The following SLC4A3 variants were observed in gnomAD, a reference collection of about 807,000 sequenced individuals.
The protein encoded by SLC4A3 is anion exchange protein 3.
SLC4A3 carries 47 observed loss-of-function variants against 114.2 expected under a neutral mutation model. The observed-to-expected ratio is 0.41, with a 90% CI of 0.33 to 0.52. The LOEUF (loss-of-function observed/expected upper bound fraction) is 0.52. Ranked by LOEUF, SLC4A3 falls within the 20% of genes least tolerant of loss-of-function variation. SLC4A3 has a pLI of 0.21. For synonymous variants in SLC4A3, 693 were observed against 710.3 expected (o/e 0.98, Z 0.39); for missense variants, 1,312 against 1,668.3 (o/e 0.79, Z 3.72).
rs1698862926 is a variant in SLC4A3, at chr2:219,630,008, G to A, written c.612-145G>A. The A allele has an allele frequency of 4.1e-6, 6 of 1,476,014 alleles. No homozygotes were observed. Among genetic ancestry groups the A allele is most frequent in the African/African-American group, 1.4e-5 (1 of 70,850 alleles). 91.4% of individuals were successfully genotyped at this position (1,476,014 alleles called of 1,614,324 possible). A position where few individuals can be genotyped will look rare whatever the true frequency, so the allele number is the denominator to read the frequency against. Reference sequence around the variant, plus strand: ...GGGGGAGCCACGGGATGGGGAGGGGGCCTGGGTCAGCATCCTTTGCTGCCC... The same window carrying A: ...GGGGGAGCCACGGGATGGGGAGGGGACCTGGGTCAGCATCCTTTGCTGCCC... On this transcript the variant is annotated intron_variant, in intron 5 of 22. Coordinates refer to ENST00000358055, the MANE Select transcript of SLC4A3 (RefSeq NM_005070.4). This position sits in a 1 kb window ranked among gnomAD's most constrained non-coding sequence, Gnocchi z 6.9.
At chr2:219,627,822 C>T in intron 1 of SLC4A3, 77 bp downstream of exon 1, 1 of 514,178 alleles carries the variant, frequency 1.9e-6, no homozygotes. Flanking sequence ...CGGAGGGGCG[C>T]TTGGGCCGGG....
intron 12 of SLC4A3, 104 bp downstream of exon 12, chr2:219,634,708 C>G (rs1699057899): frequency 4.0e-6 from 5 of 1,256,550 alleles, no homozygotes; most frequent in Non-Finnish European, 5.5e-6. Context: ...GCTAGAGGCC[C>G]CTGGGTGGAG....
In SLC4A3 at chr2:219,630,428, C is replaced by T; in HGVS notation, c.811+76C>T. 1 of 1,466,812 alleles carries T rather than the reference C, an allele frequency of 6.8e-7. No individual in the cohort carries two copies. Among genetic ancestry groups the T allele is most frequent in the South Asian group, 1.3e-5 (1 of 76,502 alleles). The allele number at this position is 1,466,812 out of a possible 1,614,324, so 90.9% of individuals were successfully genotyped here. On this transcript the variant is annotated intron_variant, in intron 6 of 22. Coordinates refer to ENST00000358055, the MANE Select transcript of SLC4A3 (RefSeq NM_005070.4). The surrounding 1 kb of genome is among the most constrained non-coding windows in gnomAD (Gnocchi z 6.9). ...GCCTGCGAGTGACCTTGGAGAGGCT[C>T]TGAGCTGTCCCCTGCTAAGGGCTGA...
chr2:219,629,544 C>T (rs745389844), intron 4 of SLC4A3, 36 bp from the exon 5 acceptor site: 49 of 1,586,686 alleles, frequency 3.1e-5, no homozygotes, highest in Admixed American at 6.7e-5. Flanking sequence ...TATGGTAGGT[C>T]GGGGCAAGGC....
Position 219,628,065 on chromosome 2 carries a change from G to T in SLC4A3, c.51+22G>T. The T allele has an allele frequency of 6.5e-7, 1 of 1,538,374 alleles. No homozygotes were observed. Among genetic ancestry groups the T allele is most frequent in the South Asian group, 1.2e-5 (1 of 82,766 alleles). ...CCAGGTGATCGGCGCGCGCGGGGGC[G>T]GGGGAGAGATGGGGGAGGAGAGGGG... On this transcript the variant is annotated intron_variant, in intron 2 of 22. Coordinates refer to ENST00000358055, the MANE Select transcript of SLC4A3 (RefSeq NM_005070.4). This position sits in a 1 kb window ranked among gnomAD's most constrained non-coding sequence, Gnocchi z 4.8.
Position 219,635,367 on chromosome 2 carries a change from G to A in SLC4A3, c.1843G>A (p.Glu615Lys), listed in dbSNP as rs759684760. 47 of 1,614,060 alleles carry A rather than the reference G, an allele frequency of 2.9e-5. No individual in the cohort carries two copies. The highest frequency in any genetic ancestry group is 3.9e-5 in the Non-Finnish European group (46 of 1,180,036). ...LDGSIVIPPS[E>K]VEGRDLLRSV... is the part of the protein sequence containing the mutation. Reference sequence around the variant, plus strand: ...TGGCAGCATTGTGATCCCCCCGTCCGAGGTGGAGGGCCGTGACCTGCTGCG... The same window carrying A: ...TGGCAGCATTGTGATCCCCCCGTCCAAGGTGGAGGGCCGTGACCTGCTGCG... Residue 615 changes from glutamate to lysine, a missense_variant, in exon 13 of 23, where the codon GAG becomes AAG. Glu to Lys is a moderately conservative substitution (Grantham distance 56). Around this residue, in one of 4 missense-constraint regions of SLC4A3, gnomAD observed 771 missense variants for 977.7 expected, o/e 0.79. Coordinates refer to ENST00000358055, the MANE Select transcript of SLC4A3 (RefSeq NM_005070.4).
Position 219,628,082 on chromosome 2 carries a change from G to A in SLC4A3, c.51+39G>A. 6.7e-7 allele frequency: 1 copy of A among 1,482,850 alleles called. No individual in the cohort carries two copies. Among genetic ancestry groups the A allele is most frequent in the South Asian group, 1.3e-5 (1 of 77,368 alleles). 91.9% of individuals were successfully genotyped at this position (1,482,850 alleles called of 1,614,324 possible). The stretch of plus-strand genomic sequence containing the variant: ...GCGGGGGCGGGGGAGAGATGGGGGA[G>A]GAGAGGGGAGGGACCTTAGGGTGGG... On this transcript the variant is annotated intron_variant, in intron 2 of 22. Coordinates refer to ENST00000358055, the MANE Select transcript of SLC4A3 (RefSeq NM_005070.4). This position sits in a 1 kb window ranked among gnomAD's most constrained non-coding sequence, Gnocchi z 4.8.
rs142906789 is a variant in SLC4A3 at position 219,640,463 on chromosome 2, G to A, written c.3311G>A (p.Arg1104Gln). Residue 1104 changes from arginine to glutamine, a missense_variant, in exon 21 of 23, where the codon CGG becomes CAG. This residue lies in a region of SLC4A3 where 301 missense variants were observed against 460.7 expected (regional missense o/e 0.65). Transcript: ENST00000358055. ...ATCGTCATGGGGGCTGTGCTGCGTC[G>A]GATCCCATTGGCTGTGCTCTTTGGG... ...LSIVMGAVLR[R>Q]IPLAVLFGIF... 28 of 1,613,904 alleles carry A rather than the reference G, an allele frequency of 1.7e-5. No homozygotes were observed. Among genetic ancestry groups the A allele is most frequent in the Middle Eastern group, 1.6e-4 (1 of 6,082 alleles).
rs931062338 is a variant in SLC4A3, at chr2:219,628,995, C to T, written c.218-149C>T. 3.8e-5 allele frequency: 35 copies of T among 929,532 alleles called. No homozygotes were observed. The highest frequency in any genetic ancestry group is 5.6e-5 in the South Asian group (3 of 53,430). The allele number at this position is 929,532 out of a possible 1,614,324, so 57.6% of individuals were successfully genotyped here. The stretch of plus-strand genomic sequence containing the variant: ...CACCAGACCTCATCAATGACAGGCA[C>T]GTGGACACAGGTGTTGGGGGGTCAT... On this transcript the variant is annotated intron_variant, in intron 3 of 22. Coordinates refer to ENST00000358055, the MANE Select transcript of SLC4A3 (RefSeq NM_005070.4). This position sits in a 1 kb window ranked among gnomAD's most constrained non-coding sequence, Gnocchi z 4.8.
At position 219,632,253 on chromosome 2, in the gene SLC4A3, G is replaced by GC. The variant is rs34474859; in HGVS notation, c.961-3dup. On this transcript the variant is annotated splice_polypyrimidine_tract_variant and intron_variant, in intron 7 of 22. Coordinates refer to ENST00000358055, the MANE Select transcript of SLC4A3 (RefSeq NM_005070.4). Reference sequence around the variant, plus strand: ...GCCCCTGGGCCCTCACCTTTGGCACGCCCCCCAGGTGTTCGTGGAGCTGAA... The same window carrying GC: ...GCCCCTGGGCCCTCACCTTTGGCACGCCCCCCCAGGTGTTCGTGGAGCTGAA... The GC allele has an allele frequency of 3.5e-5, 57 of 1,613,622 alleles. No homozygotes were observed. The highest frequency in any genetic ancestry group is 4.7e-5 in the Non-Finnish European group (55 of 1,179,972).
rs764135763 is a variant in SLC4A3 at position 219,632,255 on chromosome 2, C to G, written c.961-7C>G. On this transcript the variant is annotated splice_polypyrimidine_tract_variant and splice_region_variant and intron_variant, in intron 7 of 22. Coordinates refer to ENST00000358055, the MANE Select transcript of SLC4A3 (RefSeq NM_005070.4). The stretch of plus-strand genomic sequence containing the variant: ...CCCTGGGCCCTCACCTTTGGCACGC[C>G]CCCCAGGTGTTCGTGGAGCTGAACG... 2 of 1,613,954 alleles carry G rather than the reference C, an allele frequency of 1.2e-6. No individual in the cohort carries two copies. Among genetic ancestry groups the G allele is most frequent in the Non-Finnish European group, 1.7e-6 (2 of 1,179,998 alleles).
chr2:219,628,850 A>G lies in SLC4A3; in HGVS notation c.217+280A>G. 1.8e-6 allele frequency: 1 copy of G among 549,854 alleles called. No homozygotes were observed. Among genetic ancestry groups the G allele is most frequent in the African/African-American group, 2.0e-5 (1 of 51,188 alleles). 34.1% of individuals were successfully genotyped at this position (549,854 alleles called of 1,614,324 possible). A position where few individuals can be genotyped will look rare whatever the true frequency, so the allele number is the denominator to read the frequency against. ...TTCCCCTTCCCCTTCGTCCCCACTCACTCCCTCCTTGTCCCACCTCGGCTA... is the reference window on the plus strand; with the variant it reads ...TTCCCCTTCCCCTTCGTCCCCACTCGCTCCCTCCTTGTCCCACCTCGGCTA... On this transcript the variant is annotated intron_variant, in intron 3 of 22. Coordinates refer to ENST00000358055, the MANE Select transcript of SLC4A3 (RefSeq NM_005070.4). The surrounding 1 kb of genome is among the most constrained non-coding windows in gnomAD (Gnocchi z 4.8).
Position 219,637,509 on chromosome 2 carries a change from G to T in SLC4A3, c.2536-72G>T. The T allele has an allele frequency of 2.5e-6, 2 of 813,650 alleles. No homozygotes were observed. The highest frequency in any genetic ancestry group is 4.1e-6 in the Non-Finnish European group (2 of 491,212). 50.4% of individuals were successfully genotyped at this position (813,650 alleles called of 1,614,324 possible). The stretch of plus-strand genomic sequence containing the variant: ...TTGAGGGGCCACCCTCTCTCTCACA[G>T]GTGTACTGATGACGATGAAGTCAGG... On this transcript the variant is annotated intron_variant, in intron 16 of 22. Transcript: ENST00000358055. This position sits in a 1 kb window ranked among gnomAD's most constrained non-coding sequence, Gnocchi z 4.6.
rs1003946957 is a variant in SLC4A3, at chr2:219,641,866, G to T, written c.*138G>T. On this transcript the variant is annotated 3_prime_UTR_variant, in exon 23 of 23. Coordinates refer to ENST00000358055, the MANE Select transcript of SLC4A3 (RefSeq NM_005070.4). The surrounding 1 kb of genome is among the most constrained non-coding windows in gnomAD (Gnocchi z 4.0). ...GGAACCACTCCTGATGCCATGGCTAGAGTGGCCCCCCTGACTTCTGCCCGG... is the reference window on the plus strand; with the variant it reads ...GGAACCACTCCTGATGCCATGGCTATAGTGGCCCCCCTGACTTCTGCCCGG... The T allele has an allele frequency of 5.9e-6, 4 of 673,820 alleles. No individual in the cohort carries two copies. The African/African-American group carries it at 7.2e-5, about 12-fold the overall frequency. The allele number at this position is 673,820 out of a possible 1,614,324, so 41.7% of individuals were successfully genotyped here.
Position 219,637,910 on chromosome 2 carries a change from C to A in SLC4A3, c.2766+99C>A. 2 of 1,000,184 alleles carry A rather than the reference C, an allele frequency of 2.0e-6. No homozygotes were observed. The highest frequency in any genetic ancestry group is 3.1e-6 in the Non-Finnish European group (2 of 647,164). The allele number at this position is 1,000,184 out of a possible 1,614,324, so 62.0% of individuals were successfully genotyped here. On this transcript the variant is annotated intron_variant, in intron 17 of 22. Transcript: ENST00000358055. The surrounding 1 kb of genome is among the most constrained non-coding windows in gnomAD (Gnocchi z 4.6). Reference sequence around the variant, plus strand: ...ACCCCTTCCCCGGTCAGCCCATGGACCAAAACCCAGCTCGGGCAGCCCCTC... The same window carrying A: ...ACCCCTTCCCCGGTCAGCCCATGGAACAAAACCCAGCTCGGGCAGCCCCTC...
chr2:219,638,529 T>C lies in SLC4A3; in HGVS notation c.2857-174T>C, dbSNP rs748231387. On this transcript the variant is annotated intron_variant, in intron 18 of 22. Transcript: ENST00000358055. The surrounding 1 kb of genome is among the most constrained non-coding windows in gnomAD (Gnocchi z 7.5). ...AGGCGCTTCATTTCCCTGCCCTCTATTGGATCCTTGAAAGGACAGTGACTT... is the reference window on the plus strand; with the variant it reads ...AGGCGCTTCATTTCCCTGCCCTCTACTGGATCCTTGAAAGGACAGTGACTT... Among the ~76,000 whole-genome samples the C allele has an allele frequency of 1.3e-5, 2 of 152,166 alleles. No individual in the cohort carries two copies. The highest frequency in any genetic ancestry group is 2.9e-5 in the Non-Finnish European group (2 of 68,018).
In SLC4A3 at chr2:219,638,934, T is replaced by A; in HGVS notation, c.3023+65T>A. On this transcript the variant is annotated intron_variant, in intron 19 of 22. Coordinates refer to ENST00000358055, the MANE Select transcript of SLC4A3 (RefSeq NM_005070.4). This position sits in a 1 kb window ranked among gnomAD's most constrained non-coding sequence, Gnocchi z 7.5. ...AAGCTCCTTGGCTCCTTGGCTTGGTTTCAGGGTTATAGCAGGGACATCATT... is the reference window on the plus strand; with the variant it reads ...AAGCTCCTTGGCTCCTTGGCTTGGTATCAGGGTTATAGCAGGGACATCATT... 6.4e-7 allele frequency: 1 copy of A among 1,551,500 alleles called. No individual in the cohort carries two copies. The highest frequency in any genetic ancestry group is 1.7e-5 in the Admixed American group (1 of 57,658).
Position 219,631,847 on chromosome 2 carries a change from G to T in SLC4A3, c.812-121G>T. ...CACATGGGATTATGTGGTTCCCGTC[G>T]GCATGGCCTGTTGGTGACTGTAGAG... On this transcript the variant is annotated intron_variant, in intron 6 of 22. Transcript: ENST00000358055. This position sits in a 1 kb window ranked among gnomAD's most constrained non-coding sequence, Gnocchi z 6.3. The T allele has an allele frequency of 9.1e-7, 1 of 1,098,458 alleles. No individual in the cohort carries two copies. Among genetic ancestry groups the T allele is most frequent in the Non-Finnish European group, 1.3e-6 (1 of 759,178 alleles). 68.0% of individuals were successfully genotyped at this position (1,098,458 alleles called of 1,614,324 possible).
rs969433926 is a variant in SLC4A3 at position 219,631,703 on chromosome 2, C to T, written c.812-265C>T. The stretch of plus-strand genomic sequence containing the variant: ...CCATGGCAGGGGCTGGAGGGTCTGG[C>T]TGGGGCTGTGGACTGAGCTGGGTCT... On this transcript the variant is annotated intron_variant, in intron 6 of 22. Coordinates refer to ENST00000358055, the MANE Select transcript of SLC4A3 (RefSeq NM_005070.4). This position sits in a 1 kb window ranked among gnomAD's most constrained non-coding sequence, Gnocchi z 6.3. 2.0e-5 allele frequency among the ~76,000 whole-genome samples: 3 copies of T among 152,000 alleles called. No homozygotes were observed. Among genetic ancestry groups the T allele is most frequent in the African/African-American group, 2.4e-5 (1 of 41,374 alleles).
Sources: gnomAD v4.1 joint callset for allele counts (sites outside exome capture counted in the v4.1 genomes callset) on GRCh38, gnomAD v4.1.1 for gene constraint, gnomAD v4.1.1 regional missense constraint, Gnocchi (gnomAD v3.1) non-coding constraint, MANE v1.5 for transcripts, NCBI Gene and HGNC (gene_info 2026-07-23, HGNC 2026-07-21) for gene names.